Variants in ACP7 observed in about 807,000 individuals in gnomAD.
ACP7 encodes acid phosphatase type 7.
A neutral mutation model predicts 60.6 loss-of-function variants in ACP7; 58 were observed. That is an observed-to-expected ratio of 0.96 (90% confidence interval 0.77 to 1.19). The LOEUF (loss-of-function observed/expected upper bound fraction) is 1.19, where lower values mean the gene tolerates loss of function less well. Among genes scored for constraint, ACP7 ranks in the 50% most tolerant of loss-of-function variants. ACP7 has a pLI of 0.00. For missense variants in ACP7, 574 were observed against 596.2 expected, an observed-to-expected ratio of 0.96 and a Z score of 0.39; for synonymous variants, 237 against 232.6, an observed-to-expected ratio of 1.02 and a Z score of -0.17.
At position 39,084,391 on chromosome 19, in the gene ACP7, G is replaced by T. The variant is rs2073116365; in HGVS notation, c.-188G>T. The T allele has an allele frequency of 6.6e-6, 1 of 152,362 alleles. No homozygotes were observed. The highest frequency in any genetic ancestry group is 1.5e-5 in the Non-Finnish European group (1 of 68,230). The allele number at this position is 152,362 out of a possible 1,614,324, so 9.4% of individuals were successfully genotyped here. A position where few individuals can be genotyped will look rare whatever the true frequency, so the allele number is the denominator to read the frequency against. ...GGAGAGGCGCGTGCGGGCAGCCGGC[G>T]CCCCCGAGGGTGAGCCGGGGTCCGG... On this transcript the variant is annotated 5_prime_UTR_variant, in exon 1 of 13. Coordinates refer to ENST00000331256, the MANE Select transcript of ACP7 (RefSeq NM_001004318.3).
chr19:39,106,522 C>A (rs1030637731), intron 11 of ACP7, among the ~76,000 whole-genome samples: 1 of 152,038 alleles, frequency 6.6e-6, no homozygotes, highest in East Asian at 1.9e-4. Flanking sequence ...GTGGCCAAGT[C>A]TTTTTGTTTT....
At chr19:39,107,211 G>T in intron 12 of ACP7, 127 bp downstream of exon 12, 1 of 1,056,850 alleles carries the variant, frequency 9.5e-7, no homozygotes, top group Non-Finnish European at 1.2e-6. Flanking sequence ...ATTTGGTGGG[G>T]CTAAGGTATG....
At chr19:39,099,163 C>T (rs757054412) in intron 4 of ACP7, 21 bp downstream of exon 4, 7 of 1,474,736 alleles carry the variant, frequency 4.7e-6, no homozygotes, top group South Asian at 4.2e-5. Context: ...CGCAGGGGCG[C>T]GCGCAGGGAC....
intron 3 of ACP7, 86 bp from the exon 4 acceptor site, chr19:39,098,874 C>A: frequency 2.1e-6 from 3 of 1,407,510 alleles, no homozygotes; most frequent in Admixed American, 3.9e-5. Flanking sequence ...CCCATCTCCT[C>A]CCCTCCACCA....
chr19:39,086,724 A>C (rs7250361), intron 2 of ACP7, among the ~76,000 whole-genome samples: 57,167 of 150,932 alleles, frequency 0.38, 11,475 homozygotes, highest in East Asian at 0.58. Context: ...GTTTGTTTTA[A>C]ACTGTTAATC....
intron 11 of ACP7, 88 bp from the exon 12 acceptor site, chr19:39,106,859 G>A (rs2073415814): frequency 2.6e-6 from 4 of 1,520,972 alleles, no homozygotes; most frequent in East Asian, 2.3e-5. Flanking sequence ...CTTCCTTGAG[G>A]GCAGCAGGGT....
At chr19:39,092,335 T>C (rs1336490682) in intron 2 of ACP7, among the ~76,000 whole-genome samples, 1 of 151,824 alleles carries the variant, frequency 6.6e-6, no homozygotes, top group Non-Finnish European at 1.5e-5. Context: ...AATTGTGCTA[T>C]TGCACTCCAG....
chr19:39,103,446 T>A (rs1255259177), intron 11 of ACP7, among the ~76,000 whole-genome samples: 1 of 75,126 alleles, frequency 1.3e-5, no homozygotes, highest in Non-Finnish European at 3.1e-5. Flanking sequence ...CATGTGTTTT[T>A]TTTTTTTTTT....
Position 39,107,501 on chromosome 19 carries a change from G to A in ACP7, c.1251+417G>A, listed in dbSNP as rs377520047. Among the ~76,000 whole-genome samples the A allele has an allele frequency of 3.6e-4, 53 of 146,490 alleles. No individual in the cohort carries two copies. The East Asian group carries it at 5.5e-3, about 15-fold the overall frequency. On this transcript the variant is annotated intron_variant, in intron 12 of 12. Transcript: ENST00000331256. ...CGGGAGGCTGAGGCAGGAGAATGGC[G>A]TGAACCCGGGAGGCAGAGCTTGCAG...
chr19:39,095,008 C>T, intron 2 of ACP7, among the ~76,000 whole-genome samples: 1 of 152,140 alleles, frequency 6.6e-6, no homozygotes, highest in Non-Finnish European at 1.5e-5. Flanking sequence ...TTCAAATGAT[C>T]TCCCTCCACG....
intron 11 of ACP7, among the ~76,000 whole-genome samples, chr19:39,103,510 G>T (rs2073380490): frequency 9.3e-6 from 1 of 107,492 alleles, no homozygotes; most frequent in Non-Finnish European, 1.9e-5. Flanking sequence ...GCGAGGCTTA[G>T]TTTTTTAATT....
intron 1 of ACP7, 114 bp downstream of exon 1, chr19:39,084,514 T>G (rs1009393740): frequency 0.029 from 1,481 of 51,290 alleles, no homozygotes; most frequent in African/African-American, 0.034. Context: ...AGAAGGGGGG[T>G]GGGTACAGAT....
At position 39,088,183 on chromosome 19, in the gene ACP7, G is replaced by A. The variant is rs556344447; in HGVS notation, c.121+2793G>A. ...ACTACAGACGTGCACTACCATGCCT[G>A]GCTAATTCTTTTTATTTTTTGTAGA... On this transcript the variant is annotated intron_variant, in intron 2 of 12. Transcript: ENST00000331256. Among the ~76,000 whole-genome samples the A allele has an allele frequency of 2.6e-5, 4 of 151,796 alleles. No individual in the cohort carries two copies. In the South Asian group the frequency reaches 8.3e-4, roughly 32 times the overall value.
intron 4 of ACP7, among the ~76,000 whole-genome samples, chr19:39,099,769 G>C (rs1431094269): frequency 6.6e-6 from 1 of 151,326 alleles, no homozygotes; most frequent in Non-Finnish European, 1.5e-5. Context: ...AAGGTGGGTG[G>C]ATCACTTGAG....
intron 2 of ACP7, among the ~76,000 whole-genome samples, chr19:39,097,518 GGCACCACT>G (rs1229780388): frequency 6.6e-6 from 1 of 151,422 alleles, no homozygotes; most frequent in Admixed American, 6.6e-5. Flanking sequence ...GAGCTAAGAT[GGCACCACT>G]GCACCTCCAG....
Position 39,098,457 on chromosome 19 carries a change from G to C in ACP7, c.122-1G>C. On this transcript the variant is annotated splice_acceptor_variant, in intron 2 of 12. Coordinates refer to ENST00000331256, the MANE Select transcript of ACP7 (RefSeq NM_001004318.3). LOFTEE classifies it high-confidence loss of function. The stretch of plus-strand genomic sequence containing the variant: ...TCTACCCTCTGTCCCTTTCTCCCCA[G>C]GTGAGCCAGGCTCCATGACTGTAAC... 1 of 1,534,620 alleles carries C rather than the reference G, an allele frequency of 6.5e-7. No individual in the cohort carries two copies. The highest frequency in any genetic ancestry group is 8.8e-7 in the Non-Finnish European group (1 of 1,141,762).
In ACP7 at chr19:39,110,223, C is replaced by G. The variant is rs2073455507; in HGVS notation, c.*105C>G. On this transcript the variant is annotated 3_prime_UTR_variant, in exon 13 of 13. Transcript: ENST00000331256. ...GGGAGTTGGGTGGGCCCTGACTCCC[C>G]TGCCCTCCAGAGGCCCCATGTAGGG... The G allele has an allele frequency of 9.1e-7, 1 of 1,103,686 alleles. No individual in the cohort carries two copies. Among genetic ancestry groups the G allele is most frequent in the South Asian group, 1.4e-5 (1 of 72,904 alleles). The allele number at this position is 1,103,686 out of a possible 1,614,324, so 68.4% of individuals were successfully genotyped here.
rs140059593 is a variant in ACP7 at position 39,104,059 on chromosome 19, A to G, written c.1113+2522A>G. Among the ~76,000 whole-genome samples the G allele has an allele frequency of 2.2e-3, 327 of 151,724 alleles. 2 individuals are homozygous for G. Among genetic ancestry groups the G allele is most frequent in the African/African-American group, 7.5e-3 (309 of 41,444 alleles). Reference sequence around the variant, plus strand: ...GTTCGAGACCAGCCTGGGCAACATGACAAAACCCTGTTTCTGGTAAAATAA... The same window carrying G: ...GTTCGAGACCAGCCTGGGCAACATGGCAAAACCCTGTTTCTGGTAAAATAA... On this transcript the variant is annotated intron_variant, in intron 11 of 12. Coordinates refer to ENST00000331256, the MANE Select transcript of ACP7 (RefSeq NM_001004318.3).
At chr19:39,101,879 G>T (rs2073350012) in intron 11 of ACP7, among the ~76,000 whole-genome samples, 1 of 149,508 alleles carries the variant, frequency 6.7e-6, no homozygotes, top group African/African-American at 2.5e-5. Flanking sequence ...GCCGAGTCTG[G>T]AGGATCACTT....
Sources: gnomAD v4.1 joint callset for allele counts (sites outside exome capture counted in the v4.1 genomes callset) on GRCh38, gnomAD v4.1.1 for gene constraint, MANE v1.5 for transcripts, NCBI Gene and HGNC (gene_info 2026-07-23, HGNC 2026-07-21) for gene names.